Variants in CMTM5 observed in about 807,000 individuals in gnomAD.
CMTM5 encodes the protein CKLF like MARVEL transmembrane domain containing 5, also known as CKLF-like MARVEL transmembrane domain-containing protein 5.
In CMTM5, 25 loss-of-function variants were observed where a neutral mutation model predicts 26.9. That is an observed-to-expected ratio of 0.93 (90% CI 0.68 to 1.30). CMTM5 has a LOEUF of 1.30. CMTM5 is among the 50% of genes most tolerant of loss of function. CMTM5 has a pLI of 0.00. For synonymous variants in CMTM5, 98 were observed against 115.5 expected (o/e 0.85, Z 0.97); for missense variants, 292 against 289.6 (o/e 1.01, Z -0.06).
At position 23,378,549 on chromosome 14, in the gene CMTM5, C is replaced by T. The variant is rs779379376; in HGVS notation, c.279+48C>T. On this transcript the variant is annotated intron_variant, in intron 2 of 5. Coordinates refer to ENST00000339180, the MANE Select transcript of CMTM5 (RefSeq NM_001288746.2). The surrounding 1 kb of genome is among the most constrained non-coding windows in gnomAD (Gnocchi z 4.2). ...CCAGTTTGGGGCCCTTCCCTCTCCT[C>T]TAAATGATGCATTTTCCTTTCCTCC... 6 of 1,611,948 alleles carry T rather than the reference C, an allele frequency of 3.7e-6. No homozygotes were observed. In the East Asian group the frequency reaches 1.3e-4, roughly 36 times the overall value.
Position 23,379,091 on chromosome 14 carries a change from A to G in CMTM5, c.541A>G (p.Thr181Ala). ...IFLVVSFAAV[T>A]SRDGAAIAAF... is the part of the protein sequence containing the mutation. ...CCTGGTGGTCTCCTTTGCAGCTGTG[A>G]CCTCCCGGGACGGAGCTGCCATTGC... Residue 181 changes from threonine (T) to alanine (A), a missense_variant, in exon 4 of 6, where the codon ACC becomes GCC. Thr to Ala is a moderately conservative substitution (Grantham distance 58, BLOSUM62 0). Coordinates refer to ENST00000339180, the MANE Select transcript of CMTM5 (RefSeq NM_001288746.2). The G allele has an allele frequency of 6.2e-7, 1 of 1,613,170 alleles. No homozygotes were observed. The highest frequency in any genetic ancestry group is 8.5e-7 in the Non-Finnish European group (1 of 1,179,800).
At chr14:23,379,241 A>T (rs1189131769) in intron 4 of CMTM5, 58 bp from the exon 5 acceptor site, 2 of 1,609,056 alleles carry the variant, frequency 1.2e-6, no homozygotes. Flanking sequence ...CTCACCCTAT[A>T]CCTTAACCCA....
chr14:23,378,418 G>A lies in CMTM5; in HGVS notation c.196G>A (p.Glu66Lys). The change falls in exon 2 of 6, where the codon GAG becomes AAG. Residue 66 changes from glutamate (E) to lysine (K), a missense_variant. Coordinates refer to ENST00000339180, the MANE Select transcript of CMTM5 (RefSeq NM_001288746.2). The surrounding 1 kb of genome is among the most constrained non-coding windows in gnomAD (Gnocchi z 4.2). Reference sequence around the variant, plus strand: ...TGCCTACATGGCCGCGGCGCTACTGGAGTTCTTCATCACACTTGCCTTCCT... The same window carrying A: ...TGCCTACATGGCCGCGGCGCTACTGAAGTTCTTCATCACACTTGCCTTCCT... Reference protein sequence around the residue: ...ISAYMAAALLEFFITLAFLFL... With the variant: ...ISAYMAAALLKFFITLAFLFL... 2 of 1,614,116 alleles carry A rather than the reference G, an allele frequency of 1.2e-6. No individual in the cohort carries two copies. Among genetic ancestry groups the A allele is most frequent in the Non-Finnish European group, 1.7e-6 (2 of 1,180,014 alleles).
At position 23,379,495 on chromosome 14, in the gene CMTM5, G is replaced by T; in HGVS notation, c.*8G>T. The T allele has an allele frequency of 6.2e-7, 1 of 1,613,568 alleles. No homozygotes were observed. The highest frequency in any genetic ancestry group is 1.3e-5 in the African/African-American group (1 of 75,012). ...ACAGGGGACCAGCAGTGACTCTGGG[G>T]CTACCTGGCTCCTAGGCCCAGCCAG... On this transcript the variant is annotated 3_prime_UTR_variant, in exon 6 of 6. Coordinates refer to ENST00000339180, the MANE Select transcript of CMTM5 (RefSeq NM_001288746.2).
rs765954345 is a variant in CMTM5 at position 23,378,711 on chromosome 14, C to CTACT, written c.323_326dup (p.Ser110ThrfsTer51). On this transcript the variant is annotated frameshift_variant, in exon 3 of 6. Transcript: ENST00000339180. LOFTEE classifies it high-confidence loss of function. This position sits in a 1 kb window ranked among gnomAD's most constrained non-coding sequence, Gnocchi z 4.2. ...ATCAGGAGGACCACATCCGCTAGAT[C>CTACT]TACTCTCCCACTCAGCAAAGGTCCA... The CTACT allele has an allele frequency of 2.5e-6, 4 of 1,612,770 alleles. No individual in the cohort carries two copies. In the East Asian group the frequency reaches 8.9e-5, roughly 36 times the overall value.
In CMTM5 at chr14:23,377,269, TCGCCGGGAC is replaced by T; in HGVS notation, c.21_29del (p.Arg8_Arg10del). ...CTACGAAGATGCTCAGTGCTCGAGA[TCGCCGGGAC>T]CGGCACCCTGAGGAGGGGGTAGTTG... is the stretch of plus-strand genomic sequence containing the variant. On this transcript the variant is annotated inframe_deletion, in exon 1 of 6. Transcript: ENST00000339180. This position sits in a 1 kb window ranked among gnomAD's most constrained non-coding sequence, Gnocchi z 4.6. The T allele has an allele frequency of 6.2e-7, 1 of 1,612,362 alleles. No individual in the cohort carries two copies. Among genetic ancestry groups the T allele is most frequent in the South Asian group, 1.1e-5 (1 of 90,968 alleles).
chr14:23,377,503 C>A lies in CMTM5; in HGVS notation c.126+126C>A. On this transcript the variant is annotated intron_variant, in intron 1 of 5. Transcript: ENST00000339180. The surrounding 1 kb of genome is among the most constrained non-coding windows in gnomAD (Gnocchi z 4.6). ...CCAAGCCCTCTGGACACCTCTCCTG[C>A]CCGCAGCTGCCCCTTCTTCGTCTCC... 1 of 1,034,986 alleles carries A rather than the reference C, an allele frequency of 9.7e-7. No homozygotes were observed. The highest frequency in any genetic ancestry group is 2.0e-5 in the South Asian group (1 of 49,712). The allele number at this position is 1,034,986 out of a possible 1,614,324, so 64.1% of individuals were successfully genotyped here.
At position 23,379,713 on chromosome 14, in the gene CMTM5, G is replaced by T. The variant is rs1471670539; in HGVS notation, c.*226G>T. 4 of 957,268 alleles carry T rather than the reference G, an allele frequency of 4.2e-6. No individual in the cohort carries two copies. The highest frequency in any genetic ancestry group is 3.1e-5 in the Admixed American group (1 of 32,700). The allele number at this position is 957,268 out of a possible 1,614,324, so 59.3% of individuals were successfully genotyped here. On this transcript the variant is annotated 3_prime_UTR_variant, in exon 6 of 6. Coordinates refer to ENST00000339180, the MANE Select transcript of CMTM5 (RefSeq NM_001288746.2). ...GGAGGGGAACTTATTGGGGGAGGGG[G>T]GGTGGAGGGGAGGAATCTGGACCTC...
rs1483250940 is a variant in CMTM5 at position 23,378,149 on chromosome 14, G to A, written c.127-200G>A. 1.8e-5 allele frequency: 11 copies of A among 623,464 alleles called. No individual in the cohort carries two copies. The highest frequency in any genetic ancestry group is 3.0e-5 in the Admixed American group (1 of 33,462). The allele number at this position is 623,464 out of a possible 1,614,324, so 38.6% of individuals were successfully genotyped here. On this transcript the variant is annotated intron_variant, in intron 1 of 5. Transcript: ENST00000339180. This position sits in a 1 kb window ranked among gnomAD's most constrained non-coding sequence, Gnocchi z 4.2. ...TGCTGGGTGAGCAGAGTGGGAGGCCGGAGACTGCCCTTGACCGGCAAATGC... is the reference window on the plus strand; with the variant it reads ...TGCTGGGTGAGCAGAGTGGGAGGCCAGAGACTGCCCTTGACCGGCAAATGC...
In CMTM5 at chr14:23,377,271, G is replaced by C. The variant is rs138472302; in HGVS notation, c.20G>C (p.Arg7Pro). MLSARD[R>P]RDRHPEEGVV... Reference sequence around the variant, plus strand: ...ACGAAGATGCTCAGTGCTCGAGATCGCCGGGACCGGCACCCTGAGGAGGGG... The same window carrying C: ...ACGAAGATGCTCAGTGCTCGAGATCCCCGGGACCGGCACCCTGAGGAGGGG... The change falls in exon 1 of 6, where the codon CGC becomes CCC. Residue 7 changes from arginine (R) to proline (P), a missense_variant. Physicochemically the swap from Arg to Pro is moderately radical, Grantham distance 103. Transcript: ENST00000339180. The surrounding 1 kb of genome is among the most constrained non-coding windows in gnomAD (Gnocchi z 4.6). 1.2e-6 allele frequency: 2 copies of C among 1,612,130 alleles called. No homozygotes were observed. The highest frequency in any genetic ancestry group is 2.2e-5 in the East Asian group (1 of 44,680).
In CMTM5 at chr14:23,377,435, G is replaced by C; in HGVS notation, c.126+58G>C. Reference sequence around the variant, plus strand: ...CTCCCTGACCCCCGGCTCCTGGCCAGCCTTATGCCAGCCCCCAGCTCACCC... The same window carrying C: ...CTCCCTGACCCCCGGCTCCTGGCCACCCTTATGCCAGCCCCCAGCTCACCC... On this transcript the variant is annotated intron_variant, in intron 1 of 5. Coordinates refer to ENST00000339180, the MANE Select transcript of CMTM5 (RefSeq NM_001288746.2). This position sits in a 1 kb window ranked among gnomAD's most constrained non-coding sequence, Gnocchi z 4.6. The C allele has an allele frequency of 6.7e-7, 1 of 1,498,172 alleles. No homozygotes were observed. Among genetic ancestry groups the C allele is most frequent in the Non-Finnish European group, 8.9e-7 (1 of 1,125,974 alleles). 92.8% of individuals were successfully genotyped at this position (1,498,172 alleles called of 1,614,324 possible). A position where few individuals can be genotyped will look rare whatever the true frequency, so the allele number is the denominator to read the frequency against.
chr14:23,376,911 C>T (rs566976288), upstream of CMTM5: 30 of 285,286 alleles, frequency 1.1e-4, no homozygotes, highest in East Asian at 8.3e-5. Context: ...AGTTTCTTTT[C>T]GGACCTCCTC....
rs756255259 is a variant in CMTM5 at position 23,379,053 on chromosome 14, CCAT to C, written c.511_513del (p.Ile171del). 2.5e-6 allele frequency: 4 copies of C among 1,614,002 alleles called. No homozygotes were observed. The highest frequency in any genetic ancestry group is 3.4e-6 in the Non-Finnish European group (4 of 1,180,020). The stretch of plus-strand genomic sequence containing the variant: ...CAGGACTTCCTGCGCTGTGTCAGTG[CCAT>C]CATCATCTTCCTGGTGGTCTCCTTT... On this transcript the variant is annotated inframe_deletion, in exon 4 of 6. Transcript: ENST00000339180.
rs1890589797 is a variant in CMTM5, at chr14:23,377,095, G to A, written c.-157G>A. ...CATCTGGGCAAGGCCCCCAGCGCCT[G>A]CCTTCTCTCCCGGGGCCCTGTGGGC... is the stretch of plus-strand genomic sequence containing the variant. On this transcript the variant is annotated 5_prime_UTR_variant, in exon 1 of 6. Coordinates refer to ENST00000339180, the MANE Select transcript of CMTM5 (RefSeq NM_001288746.2). This position sits in a 1 kb window ranked among gnomAD's most constrained non-coding sequence, Gnocchi z 4.6. The A allele has an allele frequency of 2.0e-6, 2 of 1,012,710 alleles. No homozygotes were observed. The highest frequency in any genetic ancestry group is 2.9e-6 in the Non-Finnish European group (2 of 698,560). 62.7% of individuals were successfully genotyped at this position (1,012,710 alleles called of 1,614,324 possible).
rs1206190431 is a variant in CMTM5, at chr14:23,378,220, G to C, written c.127-129G>C. 7.2e-6 allele frequency: 7 copies of C among 971,528 alleles called. No individual in the cohort carries two copies. The highest frequency in any genetic ancestry group is 1.1e-5 in the Non-Finnish European group (7 of 661,420). The allele number at this position is 971,528 out of a possible 1,614,324, so 60.2% of individuals were successfully genotyped here. ...CACCAGGGGATAGGGAGATGTGCCA[G>C]AGTCCTTCCTCCCCTCCAAGGACAG... On this transcript the variant is annotated intron_variant, in intron 1 of 5. Transcript: ENST00000339180. The surrounding 1 kb of genome is among the most constrained non-coding windows in gnomAD (Gnocchi z 4.2).
Position 23,377,164 on chromosome 14 carries a change from C to A in CMTM5, c.-88C>A. The A allele has an allele frequency of 1.3e-6, 2 of 1,549,360 alleles. No individual in the cohort carries two copies. Among genetic ancestry groups the A allele is most frequent in the African/African-American group, 1.4e-5 (1 of 73,280 alleles). ...TCAGGTTTCTCGAAGTGCCTTCTTG[C>A]TCCTGTCTGTTTCCCCATCCTGCCA... On this transcript the variant is annotated 5_prime_UTR_variant, in exon 1 of 6. Coordinates refer to ENST00000339180, the MANE Select transcript of CMTM5 (RefSeq NM_001288746.2). The surrounding 1 kb of genome is among the most constrained non-coding windows in gnomAD (Gnocchi z 4.6).
Position 23,378,734 on chromosome 14 carries a change from C to T in CMTM5, c.345C>T (p.Val115=), listed in dbSNP as rs772122390. 10 of 1,612,448 alleles carry T rather than the reference C, an allele frequency of 6.2e-6. No homozygotes were observed. The Admixed American group carries it at 1.5e-4, about 24-fold the overall frequency. ...ATCTACTCTCCCACTCAGCAAAGGT[C>T]CAGCCCCAGCCCTGGCCTGGCTTGA... The part of the protein sequence containing the change: ...PLDLLSHSAK[V]QPQPWPGLTP... The change falls in exon 3 of 6, where the codon GTC becomes GTT. Residue 115 remains valine (V), a synonymous_variant. Transcript: ENST00000339180. This position sits in a 1 kb window ranked among gnomAD's most constrained non-coding sequence, Gnocchi z 4.2.
intron 4 of CMTM5, 68 bp downstream of exon 4, chr14:23,379,191 A>T: frequency 6.3e-7 from 1 of 1,599,438 alleles, no homozygotes; most frequent in South Asian, 1.1e-5. Context: ...CACTTTCTGT[A>T]TCAGAAGCCA....
Position 23,378,198 on chromosome 14 carries a change from C to G in CMTM5, c.127-151C>G. On this transcript the variant is annotated intron_variant, in intron 1 of 5. Coordinates refer to ENST00000339180, the MANE Select transcript of CMTM5 (RefSeq NM_001288746.2). This position sits in a 1 kb window ranked among gnomAD's most constrained non-coding sequence, Gnocchi z 4.2. ...GCCCTGCAACGGTGGCTCCTGACACCAGGGGATAGGGAGATGTGCCAGAGT... is the reference window on the plus strand; with the variant it reads ...GCCCTGCAACGGTGGCTCCTGACACGAGGGGATAGGGAGATGTGCCAGAGT... 2.5e-6 allele frequency: 2 copies of G among 810,706 alleles called. No homozygotes were observed. The highest frequency in any genetic ancestry group is 3.8e-6 in the Non-Finnish European group (2 of 525,456). The allele number at this position is 810,706 out of a possible 1,614,324, so 50.2% of individuals were successfully genotyped here. A position where few individuals can be genotyped will look rare whatever the true frequency, so the allele number is the denominator to read the frequency against.
Sources: allele counts gnomAD v4.1 joint callset, GRCh38; gene constraint gnomAD v4.1.1; non-coding constraint Gnocchi (gnomAD v3.1); transcripts MANE v1.5; gene names NCBI Gene and HGNC (gene_info 2026-07-23, HGNC 2026-07-21).